ANXA11: variants seen among roughly 807,000 people sequenced by gnomAD.
The protein encoded by ANXA11 is 56 kDa autoantigen.
In ANXA11, 57 loss-of-function variants were observed where a neutral mutation model predicts 64.7. The ratio of observed to expected loss-of-function variants is 0.88; its 90% CI spans 0.71 to 1.10. ANXA11 has a LOEUF of 1.10. Among genes scored for constraint, ANXA11 ranks in the 50% least tolerant of loss-of-function variants. The probability of loss-of-function intolerance (pLI) is 0.00; values close to 1 mark genes in which losing one functional copy is unlikely to be tolerated. For synonymous variants in ANXA11, 260 were observed against 265.2 expected, an observed-to-expected ratio of 0.98 and a Z score of 0.19; for missense variants, 675 against 670.7, an observed-to-expected ratio of 1.01 and a Z score of -0.07.
rs1845885695 is a variant in ANXA11, at chr10:80,169,364, A to G, written c.172-6T>C. ...GTCCCAGACATGTTGGCCGCCTGCA[A>G]GGACACAAAGCAGAGCCTGAGGCCA... On this transcript the variant is annotated splice_region_variant and splice_polypyrimidine_tract_variant and intron_variant, in intron 4 of 15. Transcript: ENST00000422982. 1 of 1,603,228 alleles carries G rather than the reference A, an allele frequency of 6.2e-7. No individual in the cohort carries two copies. The highest frequency in any genetic ancestry group is 2.2e-5 in the East Asian group (1 of 44,872).
At chr10:80,162,896 T>C (rs1442301054) in intron 11 of ANXA11, among the ~76,000 whole-genome samples, 2 of 152,186 alleles carry the variant, frequency 1.3e-5, no homozygotes, top group Admixed American at 1.3e-4. Context: ...GCTTGGACTT[T>C]TCCCCTTTTG....
At chr10:80,190,362 G>A (rs72809517) in intron 1 of ANXA11, among the ~76,000 whole-genome samples, 3 of 151,952 alleles carry the variant, frequency 2.0e-5, no homozygotes, top group Non-Finnish European at 2.9e-5. Context: ...ACTAATTATT[G>A]AAAACTATTT....
rs199826284 is a variant in ANXA11 at position 80,166,170 on chromosome 10, G to C, written c.772C>G (p.Leu258Val). Residue 258 changes from leucine to valine, a missense_variant, in exon 8 of 16, where the codon CTG becomes GTG. Transcript: ENST00000422982. ...ATTGTCTTCTCAAAGTTTCCTGACA[G>C]TTCAGATTTCAGATCTTTGATCAAA... is the stretch of plus-strand genomic sequence containing the variant. ...KDLIKDLKSE[L>V]SGNFEKTILA... 6 of 1,610,222 alleles carry C rather than the reference G, an allele frequency of 3.7e-6. No homozygotes were observed. The highest frequency in any genetic ancestry group is 5.1e-6 in the Non-Finnish European group (6 of 1,177,442).
intron 1 of ANXA11, among the ~76,000 whole-genome samples, chr10:80,199,829 A>C (rs1296760138): frequency 6.6e-6 from 1 of 152,170 alleles, no homozygotes; most frequent in African/African-American, 2.4e-5. Flanking sequence ...ACTCACTAGG[A>C]TCTCAGGGTA....
chr10:80,159,330 A>C, intron 12 of ANXA11, 135 bp from the exon 13 acceptor site: 1 of 688,016 alleles, frequency 1.5e-6, no homozygotes, highest in East Asian at 2.7e-5. Flanking sequence ...TAATTAAGTT[A>C]AAACATGCTG....
At chr10:80,199,299 G>T (rs1025288289) in intron 1 of ANXA11, among the ~76,000 whole-genome samples, 1 of 151,878 alleles carries the variant, frequency 6.6e-6, no homozygotes, top group Non-Finnish European at 1.5e-5. Flanking sequence ...GGATTTCACC[G>T]TGTTAGCCAG....
intron 2 of ANXA11, among the ~76,000 whole-genome samples, chr10:80,175,366 C>T (rs1846132097): frequency 6.6e-6 from 1 of 152,058 alleles, no homozygotes. Flanking sequence ...TAGGCAGGAC[C>T]TTTGAGCACC....
At chr10:80,171,043 A>G in intron 3 of ANXA11, 128 bp from the exon 4 acceptor site, 1 of 1,524,396 alleles carries the variant, frequency 6.6e-7, no homozygotes, top group South Asian at 1.2e-5. Context: ...GCCTCGGGAC[A>G]CCACAGACCA....
intron 1 of ANXA11, among the ~76,000 whole-genome samples, chr10:80,180,496 G>A (rs1031852442): frequency 6.7e-6 from 1 of 150,208 alleles, no homozygotes; most frequent in Non-Finnish European, 1.5e-5. Flanking sequence ...ACATCATCTC[G>A]GGCCAGAAGC....
At chr10:80,165,509 T>C (rs959558564) in intron 8 of ANXA11, among the ~76,000 whole-genome samples, 2 of 152,108 alleles carry the variant, frequency 1.3e-5, no homozygotes, top group African/African-American at 2.4e-5. Flanking sequence ...CTGGGTCTCA[T>C]AGTTATGCGG....
rs375769936 is a variant in ANXA11 at position 80,170,845 on chromosome 10, C to T, written c.126G>A (p.Val42=). The change falls in exon 4 of 16, where the codon GTG becomes GTA. Residue 42 remains valine (V), a synonymous_variant. Transcript: ENST00000422982. The stretch of plus-strand genomic sequence containing the variant: ...GGTTGAACTGCCCCGCATAGGTGGC[C>T]ACGTTATCCAGCCCGATGGGGGGCA... ...PSMPPIGLDN[V]ATYAGQFNQD... The T allele has an allele frequency of 5.3e-6, 8 of 1,519,668 alleles. No individual in the cohort carries two copies. The African/African-American group carries it at 9.8e-5, about 19-fold the overall frequency. The allele number at this position is 1,519,668 out of a possible 1,614,324, so 94.1% of individuals were successfully genotyped here. A position where few individuals can be genotyped will look rare whatever the true frequency, so the allele number is the denominator to read the frequency against.
chr10:80,200,321 A>G (rs1031868534), intron 1 of ANXA11, among the ~76,000 whole-genome samples: 3 of 152,212 alleles, frequency 2.0e-5, no homozygotes, highest in Admixed American at 2.0e-4. Flanking sequence ...TTATTATCTT[A>G]TAAAATGCAC....
At chr10:80,183,262 G>A (rs1010951806) in intron 1 of ANXA11, among the ~76,000 whole-genome samples, 2 of 152,190 alleles carry the variant, frequency 1.3e-5, no homozygotes, top group African/African-American at 4.8e-5. Flanking sequence ...CGTCTACTAC[G>A]GTAGTCCTGT....
intron 1 of ANXA11, among the ~76,000 whole-genome samples, chr10:80,197,812 T>A (rs1840236887): frequency 6.6e-6 from 1 of 151,998 alleles, no homozygotes. Flanking sequence ...TAGTCCCAGC[T>A]ACTTGTGAGT....
At chr10:80,203,256 C>T (rs913940266) in intron 1 of ANXA11, among the ~76,000 whole-genome samples, 25 of 152,108 alleles carry the variant, frequency 1.6e-4, no homozygotes, top group African/African-American at 5.8e-4. Context: ...TCAACTCCCA[C>T]TCCTGTCATC....
At position 80,167,269 on chromosome 10, in the gene ANXA11, G is replaced by C. The variant is rs377252419; in HGVS notation, c.606C>G (p.Pro202=). ...TCCGCAGGACCTCGGCATCTCGCAG[G>C]GGGTCAAAGCCGGGAGCATCAGTGA... The part of the protein sequence containing the change: ...GTITDAPGFD[P]LRDAEVLRKA... Residue 202 remains proline, a synonymous_variant, in exon 6 of 16, where the codon CCC becomes CCG. Transcript: ENST00000422982. 11 of 1,614,050 alleles carry C rather than the reference G, an allele frequency of 6.8e-6. No individual in the cohort carries two copies. The highest frequency in any genetic ancestry group is 3.3e-5 in the Admixed American group (2 of 59,994).
chr10:80,182,772 C>T (rs540280317), intron 1 of ANXA11, among the ~76,000 whole-genome samples: 13 of 152,208 alleles, frequency 8.5e-5, no homozygotes, highest in South Asian at 2.1e-4. Flanking sequence ...CTCTTCACTC[C>T]GGGAGAAGGC....
chr10:80,159,364 C>T (rs961473750), intron 12 of ANXA11, among the ~76,000 whole-genome samples, 169 bp from the exon 13 acceptor site: 2 of 152,176 alleles, frequency 1.3e-5, no homozygotes, highest in Non-Finnish European at 1.5e-5. Flanking sequence ...TAATCCAATT[C>T]GCCTGGTCTC....
At chr10:80,163,157 C>A (rs1845580385) in intron 11 of ANXA11, among the ~76,000 whole-genome samples, 192 bp downstream of exon 11, 1 of 152,008 alleles carries the variant, frequency 6.6e-6, no homozygotes, top group Non-Finnish European at 1.5e-5. Context: ...GGTGGGGAAG[C>A]TGAAGCCCTG....
Sources: gnomAD v4.1 joint callset for allele counts (sites outside exome capture counted in the v4.1 genomes callset) on GRCh38, gnomAD v4.1.1 for gene constraint, MANE v1.5 for transcripts, NCBI Gene and HGNC (gene_info 2026-07-23, HGNC 2026-07-21) for gene names.